The following AGPS variants were observed in gnomAD, a reference collection of about 807,000 sequenced individuals.
The protein encoded by AGPS is alkyldihydroxyacetonephosphate synthase, peroxisomal.
In AGPS, 26 loss-of-function variants were observed where a neutral mutation model predicts 90.7. The ratio of observed to expected loss-of-function variants is 0.29; its 90% CI spans 0.21 to 0.40. The LOEUF (loss-of-function observed/expected upper bound fraction) is 0.40, where lower values mean the gene tolerates loss of function less well. Among genes scored for constraint, AGPS ranks in the 10% least tolerant of loss-of-function variants. AGPS has a pLI of 1.00. For missense variants in AGPS, 540 were observed against 816.1 expected (o/e 0.66, Z 4.12); for synonymous variants, 294 against 285.3 (o/e 1.03, Z -0.31).
chr2:177,453,690 A>ATTTTTTTTTT (rs11401105), intron 8 of AGPS, among the ~76,000 whole-genome samples: 1 of 90,520 alleles, frequency 1.1e-5, no homozygotes, highest in Non-Finnish European at 2.0e-5. Context: ...ATCAGTAGTA[A>ATTTTTTTTTT]TTTTTTTTTT....
intron 1 of AGPS, 79 bp from the exon 2 acceptor site, chr2:177,420,190 A>G (rs1685904808): frequency 1.1e-6 from 1 of 900,148 alleles, no homozygotes; most frequent in Non-Finnish European, 1.8e-6. Flanking sequence ...GATGATTGTG[A>G]GTTAATAATC....
At chr2:177,477,923 A>T (rs1687829876) in intron 10 of AGPS, among the ~76,000 whole-genome samples, 2 of 152,200 alleles carry the variant, frequency 1.3e-5, no homozygotes, top group African/African-American at 4.8e-5. Flanking sequence ...ATATGCATTA[A>T]TACTATCTTT....
At chr2:177,518,026 C>T (rs1689071240) in intron 17 of AGPS, among the ~76,000 whole-genome samples, 1 of 152,164 alleles carries the variant, frequency 6.6e-6, no homozygotes, top group Admixed American at 6.5e-5. Context: ...TCAGAAGAAG[C>T]ATGATATTTA....
intron 19 of AGPS, among the ~76,000 whole-genome samples, chr2:177,525,858 T>G (rs2079082050): frequency 6.6e-6 from 1 of 152,196 alleles, no homozygotes; most frequent in East Asian, 1.9e-4. Flanking sequence ...AGTGTCTATT[T>G]GTAAGATGCA....
intron 6 of AGPS, chr2:177,441,324 C>T (rs1686594189): frequency 3.0e-6 from 1 of 330,778 alleles, no homozygotes; most frequent in Non-Finnish European, 5.6e-6. Flanking sequence ...TACTTTTTAA[C>T]CTGTATATTT....
intron 10 of AGPS, among the ~76,000 whole-genome samples, chr2:177,479,388 T>C (rs539119922): frequency 4.6e-5 from 7 of 152,112 alleles, no homozygotes; most frequent in Non-Finnish European, 1.0e-4. Context: ...TGGAATAGGA[T>C]CAAAATTTTT....
In AGPS at chr2:177,434,437, TACTA is replaced by T. The variant is rs1342372317; in HGVS notation, c.441+24_441+27del. On this transcript the variant is annotated intron_variant, in intron 3 of 19. Transcript: ENST00000264167. The stretch of plus-strand genomic sequence containing the variant: ...TCTAAAGTAAGCAAACAAAAATTAT[TACTA>T]ACTCATTTAACTGTGTTTTTAAAAC... 6.5e-7 allele frequency: 1 copy of T among 1,541,592 alleles called. No homozygotes were observed. The highest frequency in any genetic ancestry group is 9.0e-7 in the Non-Finnish European group (1 of 1,116,200).
chr2:177,443,000 AG>A (rs1053117589), intron 7 of AGPS, among the ~76,000 whole-genome samples: 34 of 152,116 alleles, frequency 2.2e-4, no homozygotes, highest in Non-Finnish European at 7.4e-5. Flanking sequence ...ATACCTAAGT[AG>A]AGAGAATAGT....
chr2:177,422,776 T>C (rs1010863571), intron 2 of AGPS, among the ~76,000 whole-genome samples: 2 of 152,250 alleles, frequency 1.3e-5, no homozygotes, highest in African/African-American at 4.8e-5. Flanking sequence ...CTGGGTTGAA[T>C]TGAATCATAA....
At chr2:177,518,026 CATG>C (rs2105730229) in intron 17 of AGPS, among the ~76,000 whole-genome samples, 1 of 152,282 alleles carries the variant, frequency 6.6e-6, no homozygotes, top group South Asian at 2.1e-4. Context: ...TCAGAAGAAG[CATG>C]ATATTTATTA....
chr2:177,507,841 G>A, intron 15 of AGPS, 129 bp from the exon 16 acceptor site: 1 of 741,758 alleles, frequency 1.3e-6, no homozygotes, highest in South Asian at 1.5e-5. Flanking sequence ...TTATGAGGTG[G>A]ATAGTAAAGA....
chr2:177,441,067 G>C, intron 6 of AGPS, 31 bp downstream of exon 6: 1 of 1,512,300 alleles, frequency 6.6e-7, no homozygotes, highest in Non-Finnish European at 9.2e-7. Flanking sequence ...ATTTTAATAT[G>C]TAAATTTGTT....
At chr2:177,506,603 A>G (rs1461016876) in intron 15 of AGPS, among the ~76,000 whole-genome samples, 1 of 151,978 alleles carries the variant, frequency 6.6e-6, no homozygotes, top group African/African-American at 2.4e-5. Context: ...AATCCCAGCT[A>G]AAATCTAAAT....
chr2:177,450,877 A>T (rs1686918631), intron 8 of AGPS, among the ~76,000 whole-genome samples: 1 of 113,180 alleles, frequency 8.8e-6, no homozygotes, highest in Non-Finnish European at 2.0e-5. Context: ...TTCTGACCTG[A>T]CCCATGAACA....
intron 11 of AGPS, among the ~76,000 whole-genome samples, chr2:177,487,127 T>C (rs186196284): frequency 2.6e-4 from 39 of 152,132 alleles, no homozygotes; most frequent in Admixed American, 2.5e-3. Flanking sequence ...TAACGATGTC[T>C]TTACAAGGTT....
chr2:177,506,384 T>A (rs1373472047), intron 15 of AGPS, among the ~76,000 whole-genome samples: 1 of 151,760 alleles, frequency 6.6e-6, no homozygotes, highest in Non-Finnish European at 1.5e-5. Flanking sequence ...TATACATATT[T>A]TCAGGGTACG....
intron 19 of AGPS, among the ~76,000 whole-genome samples, chr2:177,526,293 G>A (rs1053080448): frequency 6.8e-6 from 1 of 146,676 alleles, no homozygotes; most frequent in Non-Finnish European, 1.5e-5. Flanking sequence ...GCAGCGGTGC[G>A]ATCTCAGCTC....
intron 9 of AGPS, among the ~76,000 whole-genome samples, chr2:177,466,103 C>A (rs1199184732): frequency 2.6e-5 from 4 of 152,080 alleles, no homozygotes; most frequent in Non-Finnish European, 5.9e-5. Context: ...GCAGAGAGCC[C>A]ACAGAGGGTA....
intron 2 of AGPS, among the ~76,000 whole-genome samples, chr2:177,420,777 T>C (rs987603353): frequency 1.3e-5 from 2 of 151,898 alleles, no homozygotes; most frequent in Non-Finnish European, 3.0e-5. Context: ...CCATTCAGTT[T>C]TTTGAAAGTA....
Sources: gnomAD v4.1 joint callset for allele counts (sites outside exome capture counted in the v4.1 genomes callset) on GRCh38, gnomAD v4.1.1 for gene constraint, MANE v1.5 for transcripts, NCBI Gene and HGNC (gene_info 2026-07-23, HGNC 2026-07-21) for gene names.